Variants in HEG1 observed in about 807,000 individuals in gnomAD.
HEG1 encodes the protein protein HEG homolog 1.
HEG1 carries 56 observed loss-of-function variants against 125.6 expected under a neutral mutation model. That is an observed-to-expected ratio of 0.45 (90% confidence interval 0.36 to 0.56). The LOEUF (loss-of-function observed/expected upper bound fraction) is 0.56, where lower values mean the gene tolerates loss of function less well. Among genes scored for constraint, HEG1 ranks in the 20% least tolerant of loss-of-function variants. HEG1 has a pLI of 0.00. For synonymous variants in HEG1, 644 were observed against 668.5 expected (o/e 0.96, Z 0.57); for missense variants, 1,523 against 1,670.0 (o/e 0.91, Z 1.53).
At position 125,013,494 on chromosome 3, in the gene HEG1, G is replaced by A. The variant is rs1432911576; in HGVS notation, c.2085C>T (p.Thr695=). 3.1e-6 allele frequency: 5 copies of A among 1,613,684 alleles called. No individual in the cohort carries two copies. Among genetic ancestry groups the A allele is most frequent in the Non-Finnish European group, 4.2e-6 (5 of 1,179,780 alleles). Residue 695 remains threonine, a synonymous_variant, in exon 6 of 17, where the codon ACC becomes ACT. Transcript: ENST00000311127. The stretch of plus-strand genomic sequence containing the variant: ...ACTTTAGTAGATGCACAGAGGCCCT[G>A]GTTGATGGTAAAATTGATGAAAATA... The part of the protein sequence containing the change: ...HHLFSSILPS[T]RASVHLLKST...
chr3:125,013,707 C>T lies in HEG1; in HGVS notation c.1872G>A (p.Glu624=). The T allele has an allele frequency of 6.2e-7, 1 of 1,613,960 alleles. No individual in the cohort carries two copies. The highest frequency in any genetic ancestry group is 8.5e-7 in the Non-Finnish European group (1 of 1,179,884). The stretch of plus-strand genomic sequence containing the variant: ...GGTTGGATGTATGCAGAACTGGCGA[C>T]TCAGTAGAAGGCTGAGCATATTCCC... ...YDGEYAQPST[E]SPVLHTSNLP... is the part of the protein sequence containing the mutation. The change falls in exon 6 of 17, where the codon GAG becomes GAA. Residue 624 remains glutamate, a synonymous_variant. Transcript: ENST00000311127.
At position 125,013,679 on chromosome 3, in the gene HEG1, G is replaced by A. The variant is rs370267359; in HGVS notation, c.1900C>T (p.Pro634Ser). 7 of 1,613,916 alleles carry A rather than the reference G, an allele frequency of 4.3e-6. No individual in the cohort carries two copies. The highest frequency in any genetic ancestry group is 5.1e-6 in the Non-Finnish European group (6 of 1,179,868). The change falls in exon 6 of 17, where the codon CCG becomes TCG. Residue 634 changes from proline (P) to serine (S), a missense_variant. Transcript: ENST00000311127. ...ATATTAATGGTGGGTGTGTAGGACG[G>A]AAGGTTGGATGTATGCAGAACTGGC... ...ESPVLHTSNL[P>S]SYTPTINMPN...
Position 125,029,315 on chromosome 3 carries a change from C to A in HEG1, c.490G>T (p.Ala164Ser). ...SDAPENLTLL[A>S]ETADARGRSG... ...CTTCCTCTAGCATCTGCTGTTTCAG[C>A]GAGTAGAGTGAGGTTTTCTGGAGCA... Residue 164 changes from alanine (A) to serine (S), a missense_variant, in exon 2 of 17, where the codon GCT becomes TCT. Coordinates refer to ENST00000311127, the MANE Select transcript of HEG1 (RefSeq NM_020733.2). 4 of 1,613,928 alleles carry A rather than the reference C, an allele frequency of 2.5e-6. No individual in the cohort carries two copies. Among genetic ancestry groups the A allele is most frequent in the Non-Finnish European group, 3.4e-6 (4 of 1,179,866 alleles).
rs1309294413 is a variant in HEG1, at chr3:125,013,449, T to C, written c.2130A>G (p.Thr710=). Residue 710 remains threonine (T), a synonymous_variant, in exon 6 of 17, where the codon ACA becomes ACG. Transcript: ENST00000311127. ...HLLKSTSDAS[T]PWSSSPSPLP... is the part of the protein sequence containing the mutation. The stretch of plus-strand genomic sequence containing the variant: ...AAGGTGATGGTGAGGAAGACCATGG[T>C]GTGGATGCATCAGAGGTAGACTTTA... 1 of 1,613,720 alleles carries C rather than the reference T, an allele frequency of 6.2e-7. No individual in the cohort carries two copies. Among genetic ancestry groups the C allele is most frequent in the Admixed American group, 1.7e-5 (1 of 60,006 alleles).
At chr3:125,034,024 A>C (rs1365854056) in intron 1 of HEG1, among the ~76,000 whole-genome samples, 1 of 151,748 alleles carries the variant, frequency 6.6e-6, no homozygotes, top group Non-Finnish European at 1.5e-5. Context: ...TGGTGCCAAA[A>C]AGGTTGGGGA....
In HEG1 at chr3:124,997,816, G is replaced by A; in HGVS notation, c.3525C>T (p.Ser1175=). ...ATTCGGGACTCTTCCGCTTGCACAA[G>A]CTGCCCGCTGGAATGGAAAAACAAG... ...GSQRRIFRAG[S]LCKRKSPECD... Residue 1175 remains serine, a synonymous_variant, in exon 12 of 17, where the codon AGC becomes AGT. Transcript: ENST00000311127. 1 of 1,571,106 alleles carries A rather than the reference G, an allele frequency of 6.4e-7. No homozygotes were observed. Among genetic ancestry groups the A allele is most frequent in the Non-Finnish European group, 8.7e-7 (1 of 1,153,480 alleles).
At position 125,001,959 on chromosome 3, in the gene HEG1, T is replaced by C. The variant is rs767468199; in HGVS notation, c.3410A>G (p.Asn1137Ser). 1.2e-5 allele frequency: 20 copies of C among 1,614,022 alleles called. No individual in the cohort carries two copies. The highest frequency in any genetic ancestry group is 3.3e-5 in the Admixed American group (2 of 60,028). The change falls in exon 11 of 17, where the codon AAT becomes AGT. Residue 1137 changes from asparagine to serine, a missense_variant. Transcript: ENST00000311127. ...ATCAGCCAGGTCAAATAGCGTCACA[T>C]TGGAGGCCAGGGAAAAGGTTGTTTG... ...SLQTTFSLAS[N>S]VTLFDLADRM...
intron 1 of HEG1, among the ~76,000 whole-genome samples, chr3:125,052,478 G>A (rs775091862): frequency 6.6e-6 from 1 of 152,138 alleles, no homozygotes; most frequent in Admixed American, 6.5e-5. Flanking sequence ...GCTACTCAGC[G>A]TCATTTCCCC....
intron 14 of HEG1, among the ~76,000 whole-genome samples, chr3:124,988,328 C>T (rs1560017818): frequency 6.6e-6 from 1 of 152,148 alleles, no homozygotes; most frequent in Non-Finnish European, 1.5e-5. Flanking sequence ...TACTGCCATC[C>T]AGACTGTTTT....
intron 3 of HEG1, among the ~76,000 whole-genome samples, chr3:125,022,429 G>A (rs1231455258): frequency 2.0e-5 from 3 of 149,944 alleles, no homozygotes; most frequent in African/African-American, 7.4e-5. Context: ...GAGAGAGCAT[G>A]CATGGGAAAC....
intron 1 of HEG1, among the ~76,000 whole-genome samples, chr3:125,049,837 T>C (rs747299452): frequency 6.6e-6 from 1 of 152,222 alleles, no homozygotes; most frequent in Non-Finnish European, 1.5e-5. Context: ...GTGGTTCATC[T>C]ATGAGGCCCC....
At chr3:125,039,662 G>C (rs1299678594) in intron 1 of HEG1, among the ~76,000 whole-genome samples, 1 of 151,972 alleles carries the variant, frequency 6.6e-6, no homozygotes, top group African/African-American at 2.4e-5. Context: ...CCTGTCAAGC[G>C]GGTATTATTA....
intron 3 of HEG1, among the ~76,000 whole-genome samples, chr3:125,023,497 G>A (rs1242647483): frequency 6.6e-6 from 1 of 152,090 alleles, no homozygotes; most frequent in Non-Finnish European, 1.5e-5. Context: ...CAAGGCATTG[G>A]GCGAAGTACA....
Position 125,020,812 on chromosome 3 carries a change from C to T in HEG1, c.1232G>A (p.Arg411His), listed in dbSNP as rs538286740. The change falls in exon 4 of 17, where the codon CGT (arginine) becomes CAT (histidine). Residue 411 changes from arginine to histidine, a missense_variant. Physicochemically the swap from Arg to His is conservative, Grantham distance 29 (BLOSUM62 0). Coordinates refer to ENST00000311127, the MANE Select transcript of HEG1 (RefSeq NM_020733.2). ...TENEFGLTSL[R>H]WQNDSPTFGE... ...CTTACTTGGGGAATCATTTTGCCAA[C>T]GCAAAGACGTAAGTCCAAATTCATT... is the stretch of plus-strand genomic sequence containing the variant. The T allele has an allele frequency of 5.6e-5, 91 of 1,612,920 alleles. No homozygotes were observed. The highest frequency in any genetic ancestry group is 3.3e-4 in the Middle Eastern group (2 of 6,058).
intron 3 of HEG1, among the ~76,000 whole-genome samples, chr3:125,026,922 C>T (rs1937423567): frequency 6.6e-6 from 1 of 152,138 alleles, no homozygotes; most frequent in Non-Finnish European, 1.5e-5. Flanking sequence ...ATCGCTTGAA[C>T]CTGGGAGGCA....
In HEG1 at chr3:125,020,798, A is replaced by C. The variant is rs372568685; in HGVS notation, c.1246T>G (p.Ser416Ala). 4 of 1,611,382 alleles carry C rather than the reference A, an allele frequency of 2.5e-6. No homozygotes were observed. The highest frequency in any genetic ancestry group is 1.1e-5 in the South Asian group (1 of 90,808). Residue 416 changes from serine to alanine, a missense_variant, in exon 4 of 17, where the codon TCC (serine) becomes GCC (alanine). Transcript: ENST00000311127. ...GLTSLRWQND[S>A]PTFGEHQLAS... ...GTAAAGATGGAATACTTACTTGGGG[A>C]ATCATTTTGCCAACGCAAAGACGTA...
At chr3:125,009,489 T>C (rs748190498) in intron 8 of HEG1, 56 of 373,276 alleles carry the variant, frequency 1.5e-4, no homozygotes, top group Non-Finnish European at 2.5e-4. Context: ...ATTTCAACTA[T>C]GTAAAAATAT....
chr3:125,022,256 TATATA>T (rs1937346070), intron 3 of HEG1, among the ~76,000 whole-genome samples: 1 of 152,280 alleles, frequency 6.6e-6, no homozygotes, highest in Admixed American at 6.5e-5. Context: ...ACTCTACACT[TATATA>T]ATAAAAGGCT....
intron 1 of HEG1, among the ~76,000 whole-genome samples, chr3:125,044,306 A>G (rs1937629763): frequency 6.6e-6 from 1 of 152,274 alleles, no homozygotes; most frequent in African/African-American, 2.4e-5. Context: ...GTTGTATGCC[A>G]TAGCCATTTA....
Sources: allele counts gnomAD v4.1 joint callset (sites outside exome capture counted in the v4.1 genomes callset), GRCh38; gene constraint gnomAD v4.1.1; transcripts MANE v1.5; gene names NCBI Gene and HGNC (gene_info 2026-07-23, HGNC 2026-07-21).